Variants in EPYC observed in about 807,000 individuals in gnomAD.
The protein encoded by EPYC is dermatan sulfate proteoglycan 3.
A neutral mutation model predicts 30.1 loss-of-function variants in EPYC; 28 were observed. The observed-to-expected ratio is 0.93, with a 90% CI of 0.69 to 1.28. EPYC has a LOEUF of 1.28. Ranked by LOEUF, EPYC falls within the 50% of genes most tolerant of loss-of-function variation. The pLI, the probability that EPYC is intolerant of heterozygous loss-of-function variation, is 0.00. For missense variants in EPYC, 382 were observed against 383.5 expected (o/e 1.00, Z 0.03); for synonymous variants, 144 against 141.4 (o/e 1.02, Z -0.13).
At chr12:90,973,652 A>C (rs1340003626) in intron 3 of EPYC, among the ~76,000 whole-genome samples, 1 of 152,180 alleles carries the variant, frequency 6.6e-6, no homozygotes, top group Admixed American at 6.6e-5. Flanking sequence ...TTGACTATGC[A>C]GGTAGGACAG....
chr12:90,971,917 C>T lies in EPYC; in HGVS notation c.585G>A (p.Glu195=), dbSNP rs757772864. ...TTATTTTGTTGTCACGCAGGACAAG[C>T]TCTCGAAGTTGAGGCAGTTTTCGGA... ...DAFRKLPQLR[E]LVLRDNKIRQ... The change falls in exon 5 of 7, where the codon GAG becomes GAA. Residue 195 remains glutamate (E), a synonymous_variant. Transcript: ENST00000261172. The T allele has an allele frequency of 3.1e-6, 5 of 1,611,990 alleles. No homozygotes were observed. In the African/African-American group the frequency reaches 6.7e-5, roughly 22 times the overall value.
chr12:90,991,158 T>C (rs78858136), intron 2 of EPYC, among the ~76,000 whole-genome samples: 3,826 of 152,268 alleles, frequency 0.025, 162 homozygotes, highest in African/African-American at 0.087. Flanking sequence ...TATATTTGCA[T>C]ACATGCTATT....
chr12:90,992,436 G>T (rs1252575925), intron 2 of EPYC, among the ~76,000 whole-genome samples: 6 of 152,174 alleles, frequency 3.9e-5, no homozygotes, highest in African/African-American at 7.2e-5. Context: ...GGAGGAAAGG[G>T]AGAAGCCACT....
At chr12:90,989,426 T>A (rs748579734) in intron 2 of EPYC, among the ~76,000 whole-genome samples, 3 of 152,088 alleles carry the variant, frequency 2.0e-5, no homozygotes, top group Non-Finnish European at 4.4e-5. Context: ...AATATCAAAA[T>A]AGTTAATGGC....
intron 2 of EPYC, among the ~76,000 whole-genome samples, chr12:90,993,840 T>C (rs910630229): frequency 1.3e-5 from 2 of 152,128 alleles, no homozygotes; most frequent in African/African-American, 4.8e-5. Flanking sequence ...TTATAGCATT[T>C]ATTCATGTAA....
At chr12:90,986,921 T>TC (rs1004166794) in intron 2 of EPYC, among the ~76,000 whole-genome samples, 1 of 152,266 alleles carries the variant, frequency 6.6e-6, no homozygotes, top group African/African-American at 2.4e-5. Context: ...TTCTTTTTTT[T>TC]CCCCATTATA....
chr12:90,980,830 T>G (rs1877308350), intron 2 of EPYC, among the ~76,000 whole-genome samples: 1 of 152,204 alleles, frequency 6.6e-6, no homozygotes, highest in Non-Finnish European at 1.5e-5. Flanking sequence ...TTACTCTGAC[T>G]TGCTTCTTCC....
At chr12:90,983,685 C>G (rs1877379318) in intron 2 of EPYC, among the ~76,000 whole-genome samples, 1 of 152,072 alleles carries the variant, frequency 6.6e-6, no homozygotes, top group South Asian at 2.1e-4. Context: ...CTATCCTGAC[C>G]CTTGACTCCT....
At chr12:90,974,069 CA>C (rs1565871388) in intron 3 of EPYC, among the ~76,000 whole-genome samples, 11 of 151,116 alleles carry the variant, frequency 7.3e-5, no homozygotes, top group South Asian at 6.3e-4. Flanking sequence ...CACACACACA[CA>C]CACCCCTACC....
At chr12:90,972,338 A>G (rs1277389355) in intron 4 of EPYC, among the ~76,000 whole-genome samples, 1 of 152,200 alleles carries the variant, frequency 6.6e-6, no homozygotes, top group African/African-American at 2.4e-5. Flanking sequence ...TACAGGCATT[A>G]GAAAGAAATC....
chr12:90,968,961 A>T (rs2120796484), intron 6 of EPYC, among the ~76,000 whole-genome samples: 1 of 151,612 alleles, frequency 6.6e-6, no homozygotes, highest in South Asian at 2.1e-4. Context: ...AATCAGACAA[A>T]CCTACAAAAG....
chr12:90,964,099 G>C lies in EPYC; in HGVS notation c.*57C>G. On this transcript the variant is annotated 3_prime_UTR_variant, in exon 7 of 7. Coordinates refer to ENST00000261172, the MANE Select transcript of EPYC (RefSeq NM_004950.5). ...TCATGCTGAGTTTTGTTTTGGAAGA[G>C]AGCAGTAAGAATGGTTTATTTATAG... is the stretch of plus-strand genomic sequence containing the variant. 1 of 1,446,802 alleles carries C rather than the reference G, an allele frequency of 6.9e-7. No homozygotes were observed. Among genetic ancestry groups the C allele is most frequent in the Non-Finnish European group, 9.5e-7 (1 of 1,048,994 alleles). 89.6% of individuals were successfully genotyped at this position (1,446,802 alleles called of 1,614,324 possible). A position where few individuals can be genotyped will look rare whatever the true frequency, so the allele number is the denominator to read the frequency against.
rs888154030 is a variant in EPYC at position 90,996,639 on chromosome 12, G to A, written c.165+5762C>T. ...TTTAAAAAATTCATCATCTGTAACT[G>A]CTGTATTTTATGGCACTTCTCTTTA... On this transcript the variant is annotated intron_variant, in intron 2 of 6. Coordinates refer to ENST00000261172, the MANE Select transcript of EPYC (RefSeq NM_004950.5). Among the ~76,000 whole-genome samples, 4 of 151,910 alleles carry A rather than the reference G, an allele frequency of 2.6e-5. No individual in the cohort carries two copies. In the East Asian group the frequency reaches 7.7e-4, roughly 29 times the overall value.
intron 2 of EPYC, among the ~76,000 whole-genome samples, chr12:90,987,641 T>C (rs79653099): frequency 0.025 from 3,842 of 152,312 alleles, 165 homozygotes; most frequent in African/African-American, 0.087. Context: ...CTTTTTTAGA[T>C]GAAACAAGCT....
In EPYC at chr12:90,972,809, C is replaced by T. The variant is rs375024769; in HGVS notation, c.499+13G>A. The T allele has an allele frequency of 1.3e-5, 21 of 1,610,714 alleles. No homozygotes were observed. The African/African-American group carries it at 2.0e-4, about 15-fold the overall frequency. On this transcript the variant is annotated intron_variant, in intron 4 of 6. Transcript: ENST00000261172. Reference sequence around the variant, plus strand: ...TGTAAAGCGGTGAAGGCCGTTAATGCTGTCATCCATACTTAGGCTTGCAAA... The same window carrying T: ...TGTAAAGCGGTGAAGGCCGTTAATGTTGTCATCCATACTTAGGCTTGCAAA...
intron 2 of EPYC, among the ~76,000 whole-genome samples, chr12:90,988,994 G>GAATT (rs1174334513): frequency 2.0e-5 from 3 of 152,054 alleles, no homozygotes; most frequent in African/African-American, 7.2e-5. Flanking sequence ...TGAATGCATG[G>GAATT]AATTGTCTCA....
At chr12:91,002,637 A>T (rs1240881529) in intron 1 of EPYC, 59 bp from the exon 2 acceptor site, 1 of 1,324,202 alleles carries the variant, frequency 7.6e-7, no homozygotes. Context: ...AATAGTTTGC[A>T]CTAAATAGAA....
intron 2 of EPYC, among the ~76,000 whole-genome samples, chr12:90,984,238 G>A (rs1226131344): frequency 2.6e-5 from 4 of 152,138 alleles, no homozygotes; most frequent in Admixed American, 2.6e-4. Flanking sequence ...TGTGGTCTAA[G>A]AGGAAAACTG....
intron 2 of EPYC, among the ~76,000 whole-genome samples, chr12:90,989,992 G>C (rs1238909858): frequency 1.3e-5 from 2 of 151,960 alleles, no homozygotes; most frequent in African/African-American, 4.8e-5. Flanking sequence ...TATTGCCCTT[G>C]TTCCCCATGT....
Sources: gnomAD v4.1 joint callset for allele counts (sites outside exome capture counted in the v4.1 genomes callset) on GRCh38, gnomAD v4.1.1 for gene constraint, MANE v1.5 for transcripts, NCBI Gene and HGNC (gene_info 2026-07-23, HGNC 2026-07-21) for gene names.